The following UGGT1 variants were observed in gnomAD, a reference collection of about 807,000 sequenced individuals.
UGGT1 encodes UDP-glucose:glycoprotein glucosyltransferase 1.
Under a neutral mutation model 203.9 loss-of-function variants are expected in UGGT1, and 107 were observed. The ratio of observed to expected loss-of-function variants is 0.52; its 90% CI spans 0.45 to 0.62. The LOEUF is 0.62. Ranked by LOEUF, UGGT1 falls within the 20% of genes least tolerant of loss-of-function variation. The probability of loss-of-function intolerance (pLI) is 0.00; values close to 1 mark genes in which losing one functional copy is unlikely to be tolerated. For missense variants in UGGT1, 1,673 were observed against 1,867.2 expected, an observed-to-expected ratio of 0.90 and a Z score of 1.92; for synonymous variants, 628 against 653.5, an observed-to-expected ratio of 0.96 and a Z score of 0.59.
chr2:128,168,668 A>G lies in UGGT1; in HGVS notation c.2922-1620A>G, dbSNP rs192887406. Among the ~76,000 whole-genome samples, 18 of 152,332 alleles carry G rather than the reference A, an allele frequency of 1.2e-4. No individual in the cohort carries two copies. In the East Asian group the frequency reaches 3.3e-3, roughly 28 times the overall value. On this transcript the variant is annotated intron_variant, in intron 26 of 40. Coordinates refer to ENST00000259253, the MANE Select transcript of UGGT1 (RefSeq NM_020120.4). ...TCAAGTTGAGTCCTTTTAAAAGTTCATTAGAGGTTCCTGCTCCTTTTAAGT... is the reference window on the plus strand; with the variant it reads ...TCAAGTTGAGTCCTTTTAAAAGTTCGTTAGAGGTTCCTGCTCCTTTTAAGT...
intron 14 of UGGT1, among the ~76,000 whole-genome samples, chr2:128,133,952 T>C (rs1018907986): frequency 6.6e-6 from 1 of 152,152 alleles, no homozygotes; most frequent in Non-Finnish European, 1.5e-5. Flanking sequence ...GGGAAAGAGA[T>C]AGTGGTAGGG....
chr2:128,101,599 T>TTA (rs1462102378), intron 2 of UGGT1, among the ~76,000 whole-genome samples: 2 of 152,194 alleles, frequency 1.3e-5, no homozygotes, highest in African/African-American at 2.4e-5. Context: ...GAGGTATAAA[T>TTA]TAAATAGACA....
chr2:128,191,054 C>G lies in UGGT1; in HGVS notation c.*1312C>G, dbSNP rs1040527834. 2.0e-5 allele frequency: 3 copies of G among 152,306 alleles called. No homozygotes were observed. The highest frequency in any genetic ancestry group is 4.4e-5 in the Non-Finnish European group (3 of 68,092). 9.4% of individuals were successfully genotyped at this position (152,306 alleles called of 1,614,324 possible). On this transcript the variant is annotated 3_prime_UTR_variant, in exon 41 of 41. Coordinates refer to ENST00000259253, the MANE Select transcript of UGGT1 (RefSeq NM_020120.4). ...GGCCTAAGTGGGCATGAGGCCCCAG[C>G]ATCCGACTCCATCTGCCAGGCTGCA...
In UGGT1 at chr2:128,129,115, T is replaced by G. The variant is rs1337176855; in HGVS notation, c.1313T>G (p.Leu438Trp). The G allele has an allele frequency of 6.2e-7, 1 of 1,614,172 alleles. No homozygotes were observed. Among genetic ancestry groups the G allele is most frequent in the East Asian group, 2.2e-5 (1 of 44,880 alleles). The change falls in exon 13 of 41, where the codon TTG becomes TGG. Residue 438 changes from leucine (L) to tryptophan (W), a missense_variant. Coordinates refer to ENST00000259253, the MANE Select transcript of UGGT1 (RefSeq NM_020120.4). Reference protein sequence around the residue: ...GIEGLSLHNVLKLNIQPSEAD... With the variant: ...GIEGLSLHNVWKLNIQPSEAD... ...GAAGGCCTTTCTCTGCATAATGTTTTGAAGCTGAACATCCAGCCCTCTGAG... is the reference window on the plus strand; with the variant it reads ...GAAGGCCTTTCTCTGCATAATGTTTGGAAGCTGAACATCCAGCCCTCTGAG...
At chr2:128,174,314 T>A (rs1446188816) in intron 30 of UGGT1, among the ~76,000 whole-genome samples, 2 of 150,944 alleles carry the variant, frequency 1.3e-5, no homozygotes, top group African/African-American at 4.9e-5. Context: ...TACTAGTTTT[T>A]TTTTTTTTTT....
At chr2:128,103,903 G>C in intron 2 of UGGT1, 29 bp from the exon 3 acceptor site, 1 of 1,529,766 alleles carries the variant, frequency 6.5e-7, no homozygotes, top group Non-Finnish European at 8.8e-7. Flanking sequence ...ATTTTATTAA[G>C]TTGTTTTATT....
chr2:128,138,630 T>G, intron 15 of UGGT1, 87 bp from the exon 16 acceptor site: 1 of 1,460,106 alleles, frequency 6.8e-7, no homozygotes, highest in Non-Finnish European at 9.3e-7. Flanking sequence ...TTAGCTATAA[T>G]GTATGAGAAG....
At chr2:128,102,669 A>G (rs1036305759) in intron 2 of UGGT1, among the ~76,000 whole-genome samples, 1 of 152,150 alleles carries the variant, frequency 6.6e-6, no homozygotes. Context: ...AAAAGAATGT[A>G]TGTTTCAAGA....
intron 8 of UGGT1, among the ~76,000 whole-genome samples, chr2:128,117,993 TGAGA>T (rs139003872): frequency 2.4e-4 from 23 of 97,730 alleles, no homozygotes; most frequent in East Asian, 1.2e-3. Context: ...TGTGTGTGTG[TGAGA>T]GAGAGAGAGA....
Position 128,191,925 on chromosome 2 carries a change from G to C in UGGT1, c.*2183G>C, listed in dbSNP as rs533405539. The C allele has an allele frequency of 6.6e-6, 1 of 152,288 alleles. No homozygotes were observed. Among genetic ancestry groups the C allele is most frequent in the East Asian group, 1.9e-4 (1 of 5,176 alleles). 9.4% of individuals were successfully genotyped at this position (152,288 alleles called of 1,614,324 possible). ...TCACATTGAATGAAAGCATTCAGAC[G>C]GGTGACTGCTGCTGTCCACAACTGT... On this transcript the variant is annotated 3_prime_UTR_variant, in exon 41 of 41. Coordinates refer to ENST00000259253, the MANE Select transcript of UGGT1 (RefSeq NM_020120.4).
chr2:128,107,996 C>G lies in UGGT1; in HGVS notation c.336C>G (p.Pro112=). The G allele has an allele frequency of 1.2e-6, 2 of 1,614,122 alleles. No homozygotes were observed. The highest frequency in any genetic ancestry group is 1.7e-6 in the Non-Finnish European group (2 of 1,180,018). The change falls in exon 4 of 41, where the codon CCC becomes CCG. Residue 112 remains proline (P), a synonymous_variant. Coordinates refer to ENST00000259253, the MANE Select transcript of UGGT1 (RefSeq NM_020120.4). The part of the protein sequence containing the change: ...ILEAAFQFLS[P]LQQNLFKFCL... ...AGGCTGCATTTCAGTTTCTGTCACC[C>G]CTCCAGCAGAATTTGTTTAAATTTT...
chr2:128,100,310 A>G (rs543597688), intron 2 of UGGT1, among the ~76,000 whole-genome samples: 1 of 152,274 alleles, frequency 6.6e-6, no homozygotes, highest in Non-Finnish European at 1.5e-5. Flanking sequence ...AAGTGCTGGG[A>G]TTACAGGCGT....
rs921898431 is a variant in UGGT1, at chr2:128,116,131, T to C, written c.794-134T>C. 1.4e-5 allele frequency: 8 copies of C among 563,356 alleles called. No individual in the cohort carries two copies. In the African/African-American group the frequency reaches 1.5e-4, roughly 11 times the overall value. The allele number at this position is 563,356 out of a possible 1,614,324, so 34.9% of individuals were successfully genotyped here. A position where few individuals can be genotyped will look rare whatever the true frequency, so the allele number is the denominator to read the frequency against. On this transcript the variant is annotated intron_variant, in intron 7 of 40. Coordinates refer to ENST00000259253, the MANE Select transcript of UGGT1 (RefSeq NM_020120.4). ...CAAAGGGTAATTGTGATAGTCAGCA[T>C]TTTAAATGGTATAATTTCAGGGGTT...
Position 128,106,655 on chromosome 2 carries a change from G to A in UGGT1, c.278-1283G>A, listed in dbSNP as rs575650809. ...AATCTCGCTGCAACCTCTGCCTCCCGGATTCAAGTGATTTTCCTGCCTCAG... is the reference window on the plus strand; with the variant it reads ...AATCTCGCTGCAACCTCTGCCTCCCAGATTCAAGTGATTTTCCTGCCTCAG... On this transcript the variant is annotated intron_variant, in intron 3 of 40. Transcript: ENST00000259253. Among the ~76,000 whole-genome samples, 21 of 152,116 alleles carry A rather than the reference G, an allele frequency of 1.4e-4. No homozygotes were observed. In the South Asian group the frequency reaches 3.5e-3, roughly 26 times the overall value.
chr2:128,187,903 CA>C (rs1692066346), intron 40 of UGGT1, among the ~76,000 whole-genome samples: 1 of 148,776 alleles, frequency 6.7e-6, no homozygotes, highest in African/African-American at 2.5e-5. Context: ...TTTTGTGATA[CA>C]TAAACCAAAC....
At chr2:128,153,941 T>C (rs1455460539) in intron 19 of UGGT1, among the ~76,000 whole-genome samples, 1 of 152,204 alleles carries the variant, frequency 6.6e-6, no homozygotes, top group Non-Finnish European at 1.5e-5. Context: ...AGCTATTTAT[T>C]GTTATAGTTG....
intron 1 of UGGT1, among the ~76,000 whole-genome samples, chr2:128,095,504 C>G (rs1363307811): frequency 6.7e-6 from 1 of 150,160 alleles, no homozygotes; most frequent in African/African-American, 2.5e-5. Context: ...CTCCCCCACT[C>G]TCCTCCTGTC....
chr2:128,138,004 C>T (rs527872301), intron 15 of UGGT1, among the ~76,000 whole-genome samples: 2 of 152,060 alleles, frequency 1.3e-5, no homozygotes, highest in South Asian at 4.2e-4. Context: ...ACCAATAATT[C>T]TCATACTGCA....
intron 30 of UGGT1, 71 bp downstream of exon 30, chr2:128,174,010 C>A: frequency 6.5e-7 from 1 of 1,531,452 alleles, no homozygotes; most frequent in Non-Finnish European, 9.0e-7. Context: ...TATGATGGAG[C>A]AATTAGCATT....
Sources: gnomAD v4.1 joint callset for allele counts (sites outside exome capture counted in the v4.1 genomes callset) on GRCh38, gnomAD v4.1.1 for gene constraint, MANE v1.5 for transcripts, NCBI Gene and HGNC (gene_info 2026-07-23, HGNC 2026-07-21) for gene names.